The following RNF150 variants were observed in gnomAD, a reference collection of about 807,000 sequenced individuals.
RNF150 encodes ring finger protein 150.
Under a neutral mutation model 39.3 loss-of-function variants are expected in RNF150, and 24 were observed. That is an observed-to-expected ratio of 0.61 (90% CI 0.44 to 0.86). The LOEUF (loss-of-function observed/expected upper bound fraction) is 0.86, where lower values mean the gene tolerates loss of function less well. RNF150 is among the 40% of genes least tolerant of loss of function. RNF150 has a pLI of 0.00. For synonymous variants in RNF150, 255 were observed against 227.3 expected (o/e 1.12, Z -1.10); for missense variants, 502 against 587.8 (o/e 0.85, Z 1.51).
chr4:141,024,167 A>G (rs1256556039), intron 1 of RNF150, among the ~76,000 whole-genome samples: 1 of 152,176 alleles, frequency 6.6e-6, no homozygotes, highest in African/African-American at 2.4e-5. Context: ...CAGATACTCA[A>G]GATTTAAGCT....
intron 1 of RNF150, among the ~76,000 whole-genome samples, chr4:141,015,635 T>C (rs1735241516): frequency 6.6e-6 from 1 of 152,150 alleles, no homozygotes; most frequent in South Asian, 2.1e-4. Context: ...CATTTATCAG[T>C]CCTAACAATT....
intron 5 of RNF150, among the ~76,000 whole-genome samples, chr4:140,924,363 A>G (rs1466459396): frequency 6.6e-6 from 1 of 152,230 alleles, no homozygotes; most frequent in Non-Finnish European, 1.5e-5. Flanking sequence ...TGCAGAAGTT[A>G]TACCTCCATT....
rs145108091 is a variant in RNF150 at position 140,949,558 on chromosome 4, T to C, written c.736-186A>G. Reference sequence around the variant, plus strand: ...CAAGGGGGCTCTACCAGTTGAGGTCTATAAAAGACTTCTGCCATAGAGAGA... The same window carrying C: ...CAAGGGGGCTCTACCAGTTGAGGTCCATAAAAGACTTCTGCCATAGAGAGA... On this transcript the variant is annotated intron_variant, in intron 2 of 6. Coordinates refer to ENST00000515673, the MANE Select transcript of RNF150 (RefSeq NM_020724.2). Among the ~76,000 whole-genome samples, 461 of 152,282 alleles carry C rather than the reference T, an allele frequency of 3.0e-3. 1 individual carries two copies. Among genetic ancestry groups the C allele is most frequent in the Admixed American group, 4.4e-3 (67 of 15,284 alleles).
rs1417375817 is a variant in RNF150 at position 140,860,641 on chromosome 4, A to G, written c.*7620T>C. ...GTTTACAATAAAAGTAATTTGTGTT[A>G]GGATGGAAAAAAAGCCATTGGAATT... On this transcript the variant is annotated 3_prime_UTR_variant, in exon 7 of 7. Transcript: ENST00000515673. 1 of 152,240 alleles carries G rather than the reference A, an allele frequency of 6.6e-6. No individual in the cohort carries two copies. 9.4% of individuals were successfully genotyped at this position (152,240 alleles called of 1,614,324 possible).
chr4:141,156,542 A>G (rs549956779), intron 1 of RNF150, among the ~76,000 whole-genome samples: 15 of 152,154 alleles, frequency 9.9e-5, no homozygotes, highest in Non-Finnish European at 1.9e-4. Context: ...CAGCCTCCCA[A>G]GTAGCTGGGA....
intron 6 of RNF150, among the ~76,000 whole-genome samples, chr4:140,903,721 G>A (rs149280806): frequency 5.3e-4 from 81 of 152,274 alleles, no homozygotes; most frequent in Middle Eastern, 3.4e-3. Context: ...GTAACTCAGG[G>A]CATATGAGAC....
intron 1 of RNF150, among the ~76,000 whole-genome samples, chr4:141,116,209 T>G (rs943745526): frequency 6.6e-6 from 1 of 152,154 alleles, no homozygotes; most frequent in South Asian, 2.1e-4. Flanking sequence ...ACAGGCAACC[T>G]ACAAAATGGG....
intron 1 of RNF150, among the ~76,000 whole-genome samples, chr4:141,031,435 A>T (rs1735941061): frequency 6.6e-6 from 1 of 152,142 alleles, no homozygotes; most frequent in Non-Finnish European, 1.5e-5. Flanking sequence ...GCTTCTGTAC[A>T]GCAAAAGAAA....
intron 1 of RNF150, among the ~76,000 whole-genome samples, chr4:141,086,428 C>T (rs1177187963): frequency 2.6e-5 from 4 of 151,994 alleles, no homozygotes; most frequent in Non-Finnish European, 4.4e-5. Flanking sequence ...GACTTTATCC[C>T]TATTAATGCT....
At chr4:141,108,547 TA>T (rs1171511536) in intron 1 of RNF150, among the ~76,000 whole-genome samples, 5 of 151,992 alleles carry the variant, frequency 3.3e-5, no homozygotes, top group African/African-American at 1.2e-4. Context: ...AGATGATTTT[TA>T]AAAAAAACAT....
intron 6 of RNF150, 109 bp downstream of exon 6, chr4:140,911,035 T>C (rs1487471392): frequency 1.2e-6 from 1 of 843,986 alleles, no homozygotes; most frequent in Non-Finnish European, 1.9e-6. Flanking sequence ...AACCTAGCAA[T>C]GATGTACTCA....
intron 4 of RNF150, among the ~76,000 whole-genome samples, chr4:140,943,065 T>C (rs181552312): frequency 6.6e-6 from 1 of 152,312 alleles, no homozygotes; most frequent in Admixed American, 6.5e-5. Flanking sequence ...CTCCCTGTTT[T>C]ATCTCAGTAG....
chr4:141,160,107 G>A (rs1727485282), intron 1 of RNF150, among the ~76,000 whole-genome samples: 1 of 152,162 alleles, frequency 6.6e-6, no homozygotes, highest in African/African-American at 2.4e-5. Context: ...TACTGAGCTG[G>A]TTCAGCAATC....
chr4:141,078,934 TAC>T (rs1289345215), intron 1 of RNF150, among the ~76,000 whole-genome samples: 10 of 148,170 alleles, frequency 6.7e-5, no homozygotes, highest in African/African-American at 2.6e-4. Context: ...TACATATATA[TAC>T]ACACACATAT....
chr4:140,909,805 C>G (rs765466998), intron 6 of RNF150, among the ~76,000 whole-genome samples: 2 of 152,020 alleles, frequency 1.3e-5, no homozygotes, highest in Non-Finnish European at 2.9e-5. Flanking sequence ...ATCTTTATAC[C>G]TATAAAAGTC....
chr4:140,966,557 TACTTCACCAAA>T (rs1733252600), intron 2 of RNF150, among the ~76,000 whole-genome samples: 1 of 152,108 alleles, frequency 6.6e-6, no homozygotes, highest in Admixed American at 6.6e-5. Context: ...TAAAAGTAGT[TACTTCACCAAA>T]AATATTCACT....
intron 1 of RNF150, among the ~76,000 whole-genome samples, chr4:140,994,417 A>C (rs981559228): frequency 6.6e-6 from 1 of 152,196 alleles, no homozygotes; most frequent in African/African-American, 2.4e-5. Context: ...ATGATCACGA[A>C]GGTTATTTAT....
chr4:141,175,210 G>A (rs952408684), intron 1 of RNF150, among the ~76,000 whole-genome samples: 4 of 152,188 alleles, frequency 2.6e-5, no homozygotes, highest in African/African-American at 7.2e-5. Flanking sequence ...AAGCCGATTC[G>A]CTGTGCAACC....
At chr4:141,067,730 G>C (rs897741100) in intron 1 of RNF150, among the ~76,000 whole-genome samples, 6 of 152,076 alleles carry the variant, frequency 3.9e-5, no homozygotes, top group Admixed American at 3.3e-4. Flanking sequence ...TGGTCTTTTA[G>C]AGCTTTCCAC....
Sources: allele counts gnomAD v4.1 joint callset (sites outside exome capture counted in the v4.1 genomes callset), GRCh38; gene constraint gnomAD v4.1.1; transcripts MANE v1.5; gene names NCBI Gene and HGNC (gene_info 2026-07-23, HGNC 2026-07-21).